The following CSRNP3 variants were observed in gnomAD, a reference collection of about 807,000 sequenced individuals.
The protein encoded by CSRNP3 is cysteine/serine-rich nuclear protein 3.
Under a neutral mutation model 48.0 loss-of-function variants are expected in CSRNP3, and 12 were observed. The observed-to-expected ratio is 0.25, with a 90% confidence interval of 0.16 to 0.41. The LOEUF (loss-of-function observed/expected upper bound fraction) is 0.41, where lower values mean the gene tolerates loss of function less well. Ranked by LOEUF, CSRNP3 falls within the 10% of genes least tolerant of loss-of-function variation. The pLI is 1.00. For missense variants in CSRNP3, 580 were observed against 724.4 expected (o/e 0.80, Z 2.29); for synonymous variants, 263 against 269.7 (o/e 0.98, Z 0.24).
chr2:165,574,369 C>T, intron 3 of CSRNP3: 1 of 1,549,956 alleles, frequency 6.5e-7, no homozygotes, highest in Non-Finnish European at 8.7e-7. Flanking sequence ...ATGAAGTGTG[C>T]TTTATTTCTG....
At chr2:165,677,117 GTTACTT>G (rs1687439267) in intron 6 of CSRNP3, among the ~76,000 whole-genome samples, 3 of 152,200 alleles carry the variant, frequency 2.0e-5, no homozygotes, top group African/African-American at 7.2e-5. Flanking sequence ...GGCCCACTGG[GTTACTT>G]TCTTTATCTC....
chr2:165,505,850 A>G (rs558457807), intron 2 of CSRNP3, among the ~76,000 whole-genome samples: 1 of 152,342 alleles, frequency 6.6e-6, no homozygotes, highest in East Asian at 1.9e-4. Context: ...CTGGTAATAC[A>G]TGACATTTGT....
chr2:165,624,684 A>G (rs1454514276), intron 4 of CSRNP3, among the ~76,000 whole-genome samples: 2 of 152,136 alleles, frequency 1.3e-5, no homozygotes, highest in Non-Finnish European at 2.9e-5. Context: ...CGAAGAAAGC[A>G]AAGCACACTG....
chr2:165,662,282 A>G (rs1014200272), intron 5 of CSRNP3, among the ~76,000 whole-genome samples: 3 of 152,122 alleles, frequency 2.0e-5, no homozygotes, highest in Admixed American at 1.3e-4. Flanking sequence ...AAAAAATAAT[A>G]TGTATGTATT....
In CSRNP3 at chr2:165,676,521, C is replaced by A. The variant is rs779651317; in HGVS notation, c.618C>A (p.Arg206=). The change falls in exon 6 of 7, where the codon CGC becomes CGA. Residue 206 remains arginine, a synonymous_variant. Coordinates refer to ENST00000651982, the MANE Select transcript of CSRNP3 (RefSeq NM_001172173.2). ...VEEKHELRAI[R]LSREDCGCDC... The stretch of plus-strand genomic sequence containing the variant: ...AAAAGCACGAACTCCGAGCCATCCG[C>A]CTCTCACGAGAGGACTGTGGCTGTG... The A allele has an allele frequency of 6.2e-7, 1 of 1,614,120 alleles. No individual in the cohort carries two copies. The highest frequency in any genetic ancestry group is 8.5e-7 in the Non-Finnish European group (1 of 1,179,982).
chr2:165,610,456 T>G (rs989514403), intron 4 of CSRNP3, among the ~76,000 whole-genome samples: 1 of 152,220 alleles, frequency 6.6e-6, no homozygotes, highest in African/African-American at 2.4e-5. Context: ...ACTAACTCTT[T>G]TATGCGTAAA....
intron 1 of CSRNP3, among the ~76,000 whole-genome samples, chr2:165,486,242 TA>T (rs1684113797): frequency 1.3e-5 from 2 of 152,140 alleles, no homozygotes; most frequent in South Asian, 4.2e-4. Flanking sequence ...CAGACCGGCT[TA>T]AAAAACGGTG....
intron 4 of CSRNP3, among the ~76,000 whole-genome samples, chr2:165,622,878 T>A (rs565617357): frequency 1.1e-4 from 16 of 152,262 alleles, no homozygotes; most frequent in Non-Finnish European, 1.9e-4. Flanking sequence ...GAGAAAGAGC[T>A]ACTAGTCTCC....
intron 3 of CSRNP3, among the ~76,000 whole-genome samples, chr2:165,535,423 T>G (rs1684869317): frequency 6.6e-6 from 1 of 151,736 alleles, no homozygotes; most frequent in Non-Finnish European, 1.5e-5. Flanking sequence ...CCTTGTCATC[T>G]CAGCCTTAAT....
intron 3 of CSRNP3, among the ~76,000 whole-genome samples, chr2:165,584,915 A>T (rs1685602953): frequency 6.6e-6 from 1 of 152,206 alleles, no homozygotes; most frequent in African/African-American, 2.4e-5. Context: ...AAAAAAACTC[A>T]TAATGTTTTA....
intron 2 of CSRNP3, among the ~76,000 whole-genome samples, chr2:165,511,593 T>C (rs1684506747): frequency 6.6e-6 from 1 of 152,058 alleles, no homozygotes; most frequent in Admixed American, 6.6e-5. Context: ...GATACAGTGA[T>C]AGAAAAAAGG....
intron 2 of CSRNP3, among the ~76,000 whole-genome samples, chr2:165,498,010 A>T (rs1033594844): frequency 1.7e-4 from 26 of 152,102 alleles, no homozygotes; most frequent in Admixed American, 1.3e-4. Context: ...TGAGTTTATG[A>T]ACAAATTCAA....
intron 5 of CSRNP3, among the ~76,000 whole-genome samples, chr2:165,665,742 A>G (rs1237474946): frequency 4.1e-5 from 6 of 148,066 alleles, no homozygotes; most frequent in Admixed American, 3.4e-4. Flanking sequence ...CCTGGGTCCC[A>G]GGCGACAGAG....
At chr2:165,632,441 T>C (rs1038031930) in intron 4 of CSRNP3, among the ~76,000 whole-genome samples, 3 of 152,032 alleles carry the variant, frequency 2.0e-5, no homozygotes, top group Admixed American at 2.0e-4. Flanking sequence ...CCCAGGAGTT[T>C]GAAGTTGTAG....
intron 1 of CSRNP3, among the ~76,000 whole-genome samples, chr2:165,481,493 C>G (rs1268426596): frequency 6.6e-6 from 1 of 152,076 alleles, no homozygotes; most frequent in Non-Finnish European, 1.5e-5. Context: ...ACCCACCCAC[C>G]AAAAGAGCCA....
chr2:165,653,814 A>C (rs2105343914), intron 4 of CSRNP3, among the ~76,000 whole-genome samples: 1 of 152,046 alleles, frequency 6.6e-6, no homozygotes, highest in Non-Finnish European at 1.5e-5. Context: ...TTTACTAAAA[A>C]TACAAAAATT....
chr2:165,635,171 G>A (rs551417798), intron 4 of CSRNP3, among the ~76,000 whole-genome samples: 5 of 152,342 alleles, frequency 3.3e-5, no homozygotes, highest in Admixed American at 2.6e-4. Flanking sequence ...GCCAAAGTGC[G>A]CAGCCAGGCT....
chr2:165,666,336 AAGAG>A (rs368703159), intron 5 of CSRNP3, among the ~76,000 whole-genome samples: 1,852 of 88,726 alleles, frequency 0.021, 39 homozygotes, highest in East Asian at 0.044. Context: ...GGAAGAAAGA[AAGAG>A]AGAGAGAAAG....
At chr2:165,494,487 C>T (rs61529725) in intron 1 of CSRNP3, among the ~76,000 whole-genome samples, 1,685 of 152,186 alleles carry the variant, frequency 0.011, 31 homozygotes, top group African/African-American at 0.038. Flanking sequence ...CATTTCAAAA[C>T]AGTTAAGCCA....
Sources: allele counts gnomAD v4.1 joint callset (sites outside exome capture counted in the v4.1 genomes callset), GRCh38; gene constraint gnomAD v4.1.1; transcripts MANE v1.5; gene names NCBI Gene and HGNC (gene_info 2026-07-23, HGNC 2026-07-21).